CD163L1: variants seen among roughly 807,000 people sequenced by gnomAD.
The protein encoded by CD163L1 is CD163 molecule like 1.
A neutral mutation model predicts 165.4 loss-of-function variants in CD163L1; 124 were observed. The observed-to-expected ratio is 0.75, with a 90% CI of 0.65 to 0.87. The LOEUF is 0.87. CD163L1 is among the 40% of genes least tolerant of loss of function. CD163L1 has a pLI of 0.00. For synonymous variants in CD163L1, 585 were observed against 662.2 expected, an observed-to-expected ratio of 0.88 and a Z score of 1.79; for missense variants, 1,525 against 1,799.9, an observed-to-expected ratio of 0.85 and a Z score of 2.76.
chr12:7,334,672 A>C, the CD163L1 span, among the ~76,000 whole-genome samples: 328 of 152,342 alleles, frequency 2.2e-3, no homozygotes, highest in Non-Finnish European at 3.7e-3. Flanking sequence ...AATAAAGGGC[A>C]TTCAATTAGG....
At position 7,433,713 on chromosome 12, in the gene CD163L1, C is replaced by G. The variant is rs1474956450; in HGVS notation, c.125-19G>C. 3 of 1,569,798 alleles carry G rather than the reference C, an allele frequency of 1.9e-6. No homozygotes were observed. Among genetic ancestry groups the G allele is most frequent in the Non-Finnish European group, 1.7e-6 (2 of 1,150,586 alleles). ...GTTCCATCTGCAAGAAAGACAGAAA[C>G]ATACATTAGAGATGGCAAAGATTAG... is the stretch of plus-strand genomic sequence containing the variant. On this transcript the variant is annotated intron_variant, in intron 2 of 19. Coordinates refer to ENST00000313599, the MANE Select transcript of CD163L1 (RefSeq NM_174941.6).
In CD163L1 at chr12:7,398,346, C is replaced by T. The variant is rs750883041; in HGVS notation, c.1647G>A (p.Glu549=). 24 of 1,614,210 alleles carry T rather than the reference C, an allele frequency of 1.5e-5. No individual in the cohort carries two copies. The highest frequency in any genetic ancestry group is 1.9e-5 in the Non-Finnish European group (23 of 1,180,026). ...WLDDVSCIGN[E]SNIWDCEHSG... ...TGTGTTCACAGTCCCAGATATTTGA[C>T]TCATTTCCAATGCAAGAAACGTCAT... is the stretch of plus-strand genomic sequence containing the variant. Residue 549 remains glutamate, a synonymous_variant, in exon 7 of 20, where the codon GAG becomes GAA. Transcript: ENST00000313599. This position sits in a 1 kb window ranked among gnomAD's most constrained non-coding sequence, Gnocchi z 4.5.
rs2136361585 is a variant in CD163L1, at chr12:7,347,902, CTAT to C, written c.*25-758_*25-756del. Among the ~76,000 whole-genome samples, 1 of 152,242 alleles carries C rather than the reference CTAT, an allele frequency of 6.6e-6. No individual in the cohort carries two copies. Among genetic ancestry groups the C allele is most frequent in the African/African-American group, 2.4e-5 (1 of 41,538 alleles). On this transcript the variant is annotated intron_variant, in intron 4 of 4. Transcript: ENST00000539726. The surrounding 1 kb of genome is among the most constrained non-coding windows in gnomAD (Gnocchi z 4.2). ...AAAATTAAAAACTGGTTGCATTGAA[CTAT>C]TATTGAGTTTCCACATGAGCTTCAC...
chr12:7,324,710 G>A, the CD163L1 span: 1 of 1,177,316 alleles, frequency 8.5e-7, no homozygotes, highest in South Asian at 1.4e-5. Flanking sequence ...TCGTTATGAA[G>A]CATGCATTTG....
chr12:7,325,842 T>C, the CD163L1 span, among the ~76,000 whole-genome samples: 24,991 of 152,096 alleles, frequency 0.16, 2,589 homozygotes, highest in Admixed American at 0.28. Context: ...TTCAAAACAA[T>C]TTGTCAGCAT....
intron 9 of CD163L1, among the ~76,000 whole-genome samples, chr12:7,378,363 A>C (rs1014561556): frequency 6.6e-6 from 1 of 151,764 alleles, no homozygotes; most frequent in African/African-American, 2.4e-5. Context: ...ACACACACAC[A>C]CCCCACACTG....
rs192680528 is a variant in CD163L1 at position 7,386,403 on chromosome 12, A to G, written c.2051-7105T>C. Among the ~76,000 whole-genome samples, 269 of 152,098 alleles carry G rather than the reference A, an allele frequency of 1.8e-3. 2 individuals are homozygous for G. Among genetic ancestry groups the G allele is most frequent in the African/African-American group, 6.2e-3 (256 of 41,542 alleles). On this transcript the variant is annotated intron_variant, in intron 8 of 19. Transcript: ENST00000313599. The stretch of plus-strand genomic sequence containing the variant: ...CTATCAAACTAATAAAGAAAATCTA[A>G]CATCAATTCTTTTCAAACTATTCCA...
At chr12:7,360,383 T>C (rs139790075) in intron 18 of CD163L1, among the ~76,000 whole-genome samples, 3,045 of 152,228 alleles carry the variant, frequency 0.02, 93 homozygotes, top group African/African-American at 0.068. Flanking sequence ...CCTCAGGTGA[T>C]CCACCCACCT....
chr12:7,367,430 G>A, intron 17 of CD163L1, 99 bp from the exon 18 acceptor site: 1 of 651,820 alleles, frequency 1.5e-6, no homozygotes, highest in Non-Finnish European at 2.6e-6. Context: ...TAATCCCTCT[G>A]AGCTAAAATC....
intron 9 of CD163L1, among the ~76,000 whole-genome samples, chr12:7,377,751 AT>A (rs1452147728): frequency 6.6e-6 from 1 of 152,184 alleles, no homozygotes; most frequent in Non-Finnish European, 1.5e-5. Flanking sequence ...GGCTTTAGCG[AT>A]GTGACATTCT....
the CD163L1 span, chr12:7,326,846 C>A: frequency 2.0e-6 from 2 of 1,022,646 alleles, no homozygotes; most frequent in Non-Finnish European, 2.7e-6. Context: ...TCAGAGGTAA[C>A]CTCTGGCATT....
chr12:7,324,046 C>T, the CD163L1 span, among the ~76,000 whole-genome samples: 2 of 151,790 alleles, frequency 1.3e-5, no homozygotes, highest in East Asian at 3.9e-4. Flanking sequence ...GGTGTTGTGG[C>T]ACATGTCTGT....
chr12:7,392,313 C>G (rs1642125185), intron 8 of CD163L1, among the ~76,000 whole-genome samples: 1 of 152,104 alleles, frequency 6.6e-6, no homozygotes, highest in Non-Finnish European at 1.5e-5. Context: ...ACAACCTGCT[C>G]CTGAATGATT....
intron 18 of CD163L1, among the ~76,000 whole-genome samples, chr12:7,362,900 G>C (rs1320941213): frequency 6.6e-6 from 1 of 150,628 alleles, no homozygotes; most frequent in East Asian, 1.9e-4. Context: ...AAGAAAATGT[G>C]GTATATATAT....
the CD163L1 span, among the ~76,000 whole-genome samples, chr12:7,336,533 A>G: frequency 6.6e-6 from 1 of 152,200 alleles, no homozygotes; most frequent in Non-Finnish European, 1.5e-5. Flanking sequence ...AGGGAGAGAC[A>G]GCATTAGGAG....
At chr12:7,371,974 T>G (rs1947155883) in intron 14 of CD163L1, among the ~76,000 whole-genome samples, 2 of 152,012 alleles carry the variant, frequency 1.3e-5, no homozygotes, top group Non-Finnish European at 2.9e-5. Flanking sequence ...GATATCTGTG[T>G]TTTTTTCCAT....
intron 4 of CD163L1, among the ~76,000 whole-genome samples, chr12:7,413,793 T>C (rs766269428): frequency 6.6e-6 from 1 of 152,294 alleles, no homozygotes; most frequent in Non-Finnish European, 1.5e-5. Context: ...TTCTGGGCAC[T>C]TGCCTAAGAA....
At chr12:7,407,627 A>G (rs1452501872) in intron 4 of CD163L1, among the ~76,000 whole-genome samples, 1 of 151,710 alleles carries the variant, frequency 6.6e-6, no homozygotes, top group African/African-American at 2.4e-5. Flanking sequence ...AATAAGGAAA[A>G]GCTGAGAATT....
At chr12:7,411,022 A>T (rs1295691994) in intron 4 of CD163L1, among the ~76,000 whole-genome samples, 1 of 151,788 alleles carries the variant, frequency 6.6e-6, no homozygotes, top group Non-Finnish European at 1.5e-5. Flanking sequence ...GAGAGAAAAA[A>T]GAAAACAAAA....
Sources: allele counts gnomAD v4.1 joint callset (sites outside exome capture counted in the v4.1 genomes callset), GRCh38; gene constraint gnomAD v4.1.1; non-coding constraint Gnocchi (gnomAD v3.1); transcripts MANE v1.5; gene names NCBI Gene and HGNC (gene_info 2026-07-23, HGNC 2026-07-21).